Variants in ADAMTS9 observed in about 807,000 individuals in gnomAD.
The protein encoded by ADAMTS9 is A disintegrin and metalloproteinase with thrombospondin motifs 9.
A neutral mutation model predicts 257.1 loss-of-function variants in ADAMTS9; 107 were observed. The ratio of observed to expected loss-of-function variants is 0.42; its 90% CI spans 0.36 to 0.49. ADAMTS9 has a LOEUF of 0.49. Among genes scored for constraint, ADAMTS9 ranks in the 20% least tolerant of loss-of-function variants. The pLI, the probability that ADAMTS9 is intolerant of heterozygous loss-of-function variation, is 0.03. For missense variants in ADAMTS9, 2,353 were observed against 2,469.1 expected, an observed-to-expected ratio of 0.95 and a Z score of 1.00; for synonymous variants, 982 against 880.9, an observed-to-expected ratio of 1.11 and a Z score of -2.03.
chr3:64,683,410 C>T (rs1402931548), intron 2 of ADAMTS9, among the ~76,000 whole-genome samples: 16 of 152,206 alleles, frequency 1.1e-4, no homozygotes, highest in Admixed American at 1.0e-3. Context: ...CAGGATCAGT[C>T]TCTGGTCTAT....
At chr3:64,527,853 G>A (rs1031769433) in intron 38 of ADAMTS9, among the ~76,000 whole-genome samples, 27 of 152,114 alleles carry the variant, frequency 1.8e-4, no homozygotes, top group African/African-American at 4.8e-4. Flanking sequence ...CAGCAAGTTC[G>A]GAGGCAGCCC....
At position 64,551,980 on chromosome 3, in the gene ADAMTS9, A is replaced by C. The variant is rs960441635; in HGVS notation, c.4699-918T>G. Among the ~76,000 whole-genome samples the C allele has an allele frequency of 1.2e-4, 19 of 152,346 alleles. 1 individual carries two copies. The highest frequency in any genetic ancestry group is 7.2e-4 in the Admixed American group (11 of 15,298). ...ATTCACTAAGTTCCTACTAGGTGTC[A>C]GGCCCTGTGACGGGTCCTGGGTGAA... On this transcript the variant is annotated intron_variant, in intron 30 of 39. Transcript: ENST00000498707.
rs760381365 is a variant in ADAMTS9, at chr3:64,602,151, G to A, written c.3810C>T (p.Asp1270=). The A allele has an allele frequency of 1.2e-6, 2 of 1,614,130 alleles. No homozygotes were observed. The highest frequency in any genetic ancestry group is 2.2e-5 in the East Asian group (1 of 44,852). Residue 1270 remains aspartate, a synonymous_variant, in exon 26 of 40, where the codon GAC becomes GAT. Transcript: ENST00000498707. ...TRQVMCVNYS[D]HVIDRSECDQ... Reference sequence around the variant, plus strand: ...CACACTCACTCCGATCGATCACGTGGTCACTGTAGTTGACACACATCACTT... The same window carrying A: ...CACACTCACTCCGATCGATCACGTGATCACTGTAGTTGACACACATCACTT...
chr3:64,683,608 A>T (rs538923312), intron 2 of ADAMTS9, among the ~76,000 whole-genome samples: 28 of 152,134 alleles, frequency 1.8e-4, no homozygotes, highest in Non-Finnish European at 5.9e-5. Context: ...TACTTACAGT[A>T]GTGCCAGGCA....
chr3:64,586,407 A>C (rs1233938890), intron 28 of ADAMTS9, among the ~76,000 whole-genome samples: 1 of 152,168 alleles, frequency 6.6e-6, no homozygotes, highest in Non-Finnish European at 1.5e-5. Context: ...TCACTGTCTG[A>C]GATATTTCAG....
In ADAMTS9 at chr3:64,668,640, T is replaced by C. The variant is rs554856501; in HGVS notation, c.680-9849A>G. Among the ~76,000 whole-genome samples, 32 of 152,254 alleles carry C rather than the reference T, an allele frequency of 2.1e-4. No individual in the cohort carries two copies. The East Asian group carries it at 6.2e-3, about 29-fold the overall frequency. On this transcript the variant is annotated intron_variant, in intron 3 of 39. Coordinates refer to ENST00000498707, the MANE Select transcript of ADAMTS9 (RefSeq NM_182920.2). ...CTACATAAAGTGTCGGAACAGGGCC[T>C]GGTGGGTAGGAAGTCCTCTGGAGGC...
intron 22 of ADAMTS9, among the ~76,000 whole-genome samples, chr3:64,607,501 CA>C (rs71102808): frequency 6.6e-6 from 1 of 151,982 alleles, no homozygotes; most frequent in Non-Finnish European, 1.5e-5. Context: ...TTATAAGAGA[CA>C]AAAAAACTGG....
At chr3:64,655,019 C>A (rs925180193) in intron 6 of ADAMTS9, among the ~76,000 whole-genome samples, 1 of 152,170 alleles carries the variant, frequency 6.6e-6, no homozygotes, top group African/African-American at 2.4e-5. Context: ...GTGGGAGGCA[C>A]AATTAAGCCA....
Position 64,541,964 on chromosome 3 carries a change from C to G in ADAMTS9, c.5071G>C (p.Val1691Leu). The change falls in exon 33 of 40, where the codon GTG becomes CTG. Residue 1691 changes from valine to leucine, a missense_variant. By Grantham distance (32) the Val-to-Leu change is conservative. Transcript: ENST00000498707. ...TGCATCACTCCAACACCACAAGACA[C>G]TGAGCACTGTAAGACAAATGAGAGT... The part of the protein sequence containing the change: ...WRVGNWGSCS[V>L]SCGVGVMQRS... 1.2e-6 allele frequency: 2 copies of G among 1,614,052 alleles called. No individual in the cohort carries two copies. The highest frequency in any genetic ancestry group is 2.7e-5 in the African/African-American group (2 of 75,026).
intron 28 of ADAMTS9, among the ~76,000 whole-genome samples, chr3:64,580,211 A>G (rs2083961535): frequency 6.6e-6 from 1 of 152,336 alleles, no homozygotes; most frequent in East Asian, 1.9e-4. Flanking sequence ...TTGGCTGGAA[A>G]CATCTAAAAG....
Position 64,651,170 on chromosome 3 carries a change from C to T in ADAMTS9, c.1317-7G>A, listed in dbSNP as rs1389770023. ...ATCATGAGGCATGTTAAACCTAAAG[C>T]CAATGAGACAATGATGAGAATGTCA... On this transcript the variant is annotated splice_region_variant and splice_polypyrimidine_tract_variant and intron_variant, in intron 8 of 39. Coordinates refer to ENST00000498707, the MANE Select transcript of ADAMTS9 (RefSeq NM_182920.2). 1 of 1,561,984 alleles carries T rather than the reference C, an allele frequency of 6.4e-7. No homozygotes were observed. Among genetic ancestry groups the T allele is most frequent in the South Asian group, 1.2e-5 (1 of 81,408 alleles).
intron 2 of ADAMTS9, 61 bp from the exon 3 acceptor site, chr3:64,681,424 A>AT: frequency 2.0e-6 from 3 of 1,517,488 alleles, no homozygotes; most frequent in Non-Finnish European, 2.7e-6. Flanking sequence ...GAGGAAAAAA[A>AT]CCAAAAGAAC....
At chr3:64,621,793 T>G (rs6767872) in intron 18 of ADAMTS9, among the ~76,000 whole-genome samples, 5 of 140,150 alleles carry the variant, frequency 3.6e-5, no homozygotes, top group East Asian at 5.3e-4. Context: ...AATAAAAAAA[T>G]AAAAAGAAAA....
chr3:64,556,705 C>T (rs1397534784), intron 30 of ADAMTS9, among the ~76,000 whole-genome samples: 1 of 146,266 alleles, frequency 6.8e-6, no homozygotes, highest in Non-Finnish European at 1.5e-5. Context: ...AGGCACTGTT[C>T]TATGTTTTTT....
intron 37 of ADAMTS9, among the ~76,000 whole-genome samples, chr3:64,535,159 C>A (rs2083033773): frequency 6.6e-6 from 1 of 152,084 alleles, no homozygotes; most frequent in African/African-American, 2.4e-5. Context: ...AGGTGGATCA[C>A]CTGAGGCTGA....
At position 64,642,030 on chromosome 3, in the gene ADAMTS9, C is replaced by T. The variant is rs188343159; in HGVS notation, c.1711-37G>A. 98 of 1,610,524 alleles carry T rather than the reference C, an allele frequency of 6.1e-5. 1 individual carries two copies. The highest frequency in any genetic ancestry group is 2.0e-4 in the East Asian group (9 of 44,810). On this transcript the variant is annotated intron_variant, in intron 11 of 39. Coordinates refer to ENST00000498707, the MANE Select transcript of ADAMTS9 (RefSeq NM_182920.2). Reference sequence around the variant, plus strand: ...AAGGGGAATAGTGAGGGAGACTTGGCGCTGTGAGTTGTTACAGGACTGGCT... The same window carrying T: ...AAGGGGAATAGTGAGGGAGACTTGGTGCTGTGAGTTGTTACAGGACTGGCT...
intron 31 of ADAMTS9, among the ~76,000 whole-genome samples, chr3:64,548,562 A>C (rs1382460707): frequency 6.7e-6 from 1 of 149,712 alleles, no homozygotes; most frequent in African/African-American, 2.4e-5. Flanking sequence ...ACCCCTACAA[A>C]CCAGGAGCAA....
Position 64,622,230 on chromosome 3 carries a change from C to G in ADAMTS9, c.2654G>C (p.Gly885Ala). The change falls in exon 18 of 40, where the codon GGG becomes GCG. Residue 885 changes from glycine (G) to alanine (A), a missense_variant. By Grantham distance (60) the Gly-to-Ala change is moderately conservative. Around this residue, in one of 3 missense-constraint regions of ADAMTS9, gnomAD observed 1,402 missense variants for 1,441.4 expected, o/e 0.97. Coordinates refer to ENST00000498707, the MANE Select transcript of ADAMTS9 (RefSeq NM_182920.2). ...GGGTTTACTGCATGCTTGCCATGGCCCATGACTGTTCCAGTAAAACTGCTG... is the reference window on the plus strand; with the variant it reads ...GGGTTTACTGCATGCTTGCCATGGCGCATGACTGTTCCAGTAAAACTGCTG... ...KPQQFYWNSH[G>A]PWQACSKPCQ... 1.9e-6 allele frequency: 3 copies of G among 1,613,776 alleles called. No individual in the cohort carries two copies. Among genetic ancestry groups the G allele is most frequent in the Non-Finnish European group, 1.7e-6 (2 of 1,179,904 alleles).
chr3:64,601,083 C>T (rs2084451545), intron 26 of ADAMTS9, among the ~76,000 whole-genome samples: 1 of 152,070 alleles, frequency 6.6e-6, no homozygotes, highest in African/African-American at 2.4e-5. Flanking sequence ...TTAGTAAAAA[C>T]TTCAAAACAT....
Sources: allele counts gnomAD v4.1 joint callset (sites outside exome capture counted in the v4.1 genomes callset), GRCh38; gene constraint gnomAD v4.1.1; regional missense constraint gnomAD v4.1.1; transcripts MANE v1.5; gene names NCBI Gene and HGNC (gene_info 2026-07-23, HGNC 2026-07-21).